TRAPPC9: variants seen among roughly 807,000 people sequenced by gnomAD.
TRAPPC9 encodes the protein IKK2 binding protein.
A neutral mutation model predicts 124.0 loss-of-function variants in TRAPPC9; 83 were observed. The ratio of observed to expected loss-of-function variants is 0.67; its 90% confidence interval spans 0.56 to 0.80. The LOEUF is 0.80. Ranked by LOEUF, TRAPPC9 falls within the 30% of genes least tolerant of loss-of-function variation. The pLI is 0.00. For synonymous variants in TRAPPC9, 638 were observed against 617.5 expected, an observed-to-expected ratio of 1.03 and a Z score of -0.49; for missense variants, 1,302 against 1,508.3, an observed-to-expected ratio of 0.86 and a Z score of 2.27.
At chr8:139,822,615 G>T (rs978772449) in intron 21 of TRAPPC9, among the ~76,000 whole-genome samples, 1 of 148,496 alleles carries the variant, frequency 6.7e-6, no homozygotes, top group Admixed American at 6.8e-5. Context: ...GCCAAGAGCC[G>T]TAGGATGGCG....
At chr8:140,426,451 A>AC (rs1032573654) in intron 5 of TRAPPC9, among the ~76,000 whole-genome samples, 164 bp downstream of exon 5, 44 of 152,336 alleles carry the variant, frequency 2.9e-4, no homozygotes, top group Admixed American at 2.5e-3. Context: ...TCAAGCAAGG[A>AC]CCCACCAATC....
At chr8:140,400,736 C>T (rs1177903595) in intron 6 of TRAPPC9, among the ~76,000 whole-genome samples, 1 of 152,094 alleles carries the variant, frequency 6.6e-6, no homozygotes, top group African/African-American at 2.4e-5. Flanking sequence ...CCCTCTTACA[C>T]ACCATGTGGC....
chr8:140,056,953 T>G (rs1842320283), intron 17 of TRAPPC9, among the ~76,000 whole-genome samples: 1 of 152,210 alleles, frequency 6.6e-6, no homozygotes, highest in Admixed American at 6.5e-5. Flanking sequence ...AAAGAACTCC[T>G]ACAACTAACT....
At chr8:140,079,072 A>G (rs1486731245) in intron 17 of TRAPPC9, among the ~76,000 whole-genome samples, 1 of 152,148 alleles carries the variant, frequency 6.6e-6, no homozygotes, top group East Asian at 1.9e-4. Context: ...ATGGTGAATA[A>G]GTCTCACGAG....
chr8:140,272,130 C>CCATGATGATGGTGATGGTGGCGATGGT (rs1450234909), intron 15 of TRAPPC9, among the ~76,000 whole-genome samples: 1 of 100,382 alleles, frequency 1.0e-5, no homozygotes, highest in Non-Finnish European at 2.2e-5. Flanking sequence ...GTGATGGTGG[C>CCATGATGATGGTGATGGTGGCGATGGT]GATGGTGATG....
At chr8:139,809,950 G>A (rs769628133) in intron 21 of TRAPPC9, among the ~76,000 whole-genome samples, 29 of 152,040 alleles carry the variant, frequency 1.9e-4, no homozygotes, top group Non-Finnish European at 3.7e-4. Context: ...GCTGAAAGCA[G>A]AGGTGCTAGA....
intron 21 of TRAPPC9, among the ~76,000 whole-genome samples, chr8:139,804,488 C>T (rs1823862744): frequency 7.1e-6 from 1 of 141,688 alleles, no homozygotes; most frequent in Non-Finnish European, 1.6e-5. Context: ...CAAACACCAC[C>T]ACCACACACA....
At chr8:139,817,782 G>GA (rs2130779632) in intron 21 of TRAPPC9, among the ~76,000 whole-genome samples, 1 of 152,346 alleles carries the variant, frequency 6.6e-6, no homozygotes, top group Non-Finnish European at 1.5e-5. Context: ...GATGGATGGT[G>GA]AAATAGAGGC....
At position 139,784,606 on chromosome 8, in the gene TRAPPC9, G is replaced by GATAT. The variant is rs1463265666; in HGVS notation, c.3056-52405_3056-52404insATAT. The stretch of plus-strand genomic sequence containing the variant: ...TAAATAAATAAATAAATAAAAGACT[G>GATAT]ACATATATATATATATATATATATA... On this transcript the variant is annotated intron_variant, in intron 21 of 22. Coordinates refer to ENST00000438773, the MANE Select transcript of TRAPPC9 (RefSeq NM_001160372.4). Among the ~76,000 whole-genome samples, 125 of 30,428 alleles carry GATAT rather than the reference G, an allele frequency of 4.1e-3. 1 individual carries two copies. Among genetic ancestry groups the GATAT allele is most frequent in the African/African-American group, 0.011 (116 of 10,264 alleles). 20.0% of individuals were successfully genotyped at this position (30,428 alleles called of 152,430 possible).
intron 6 of TRAPPC9, among the ~76,000 whole-genome samples, chr8:140,403,747 T>C (rs1286884263): frequency 6.6e-6 from 1 of 150,458 alleles, no homozygotes; most frequent in Non-Finnish European, 1.5e-5. Flanking sequence ...AACTTCCGCC[T>C]CCAGGGCTCA....
chr8:139,808,536 C>A (rs1042170203), intron 21 of TRAPPC9, among the ~76,000 whole-genome samples: 1 of 152,160 alleles, frequency 6.6e-6, no homozygotes, highest in Non-Finnish European at 1.5e-5. Flanking sequence ...CAGAATATTT[C>A]TATCTCCCTT....
At chr8:140,113,990 G>A (rs1260126463) in intron 17 of TRAPPC9, among the ~76,000 whole-genome samples, 2 of 152,136 alleles carry the variant, frequency 1.3e-5, no homozygotes, top group Middle Eastern at 3.2e-3. Flanking sequence ...GAGCTGCCTC[G>A]AAGTCTCTGA....
chr8:140,097,564 G>A lies in TRAPPC9; in HGVS notation c.2557-73485C>T, dbSNP rs1469985676. ...GCAAGAACGCCCGTCTGGGTCCGTAGTGTGCAGCCGCAGCTGTGCTGCTGT... is the reference window on the plus strand; with the variant it reads ...GCAAGAACGCCCGTCTGGGTCCGTAATGTGCAGCCGCAGCTGTGCTGCTGT... On this transcript the variant is annotated intron_variant, in intron 17 of 22. Transcript: ENST00000438773. This position sits in a 1 kb window ranked among gnomAD's most constrained non-coding sequence, Gnocchi z 4.2. 6.6e-6 allele frequency: 1 copy of A among 152,334 alleles called. No individual in the cohort carries two copies. Among genetic ancestry groups the A allele is most frequent in the Non-Finnish European group, 1.5e-5 (1 of 68,114 alleles). The allele number at this position is 152,334 out of a possible 1,614,324, so 9.4% of individuals were successfully genotyped here. A position where few individuals can be genotyped will look rare whatever the true frequency, so the allele number is the denominator to read the frequency against.
intron 21 of TRAPPC9, among the ~76,000 whole-genome samples, chr8:139,786,875 C>A (rs570874428): frequency 6.6e-6 from 1 of 151,996 alleles, no homozygotes; most frequent in Non-Finnish European, 1.5e-5. Flanking sequence ...GGTCAGTGAT[C>A]GGAGGGGAAG....
chr8:139,967,822 C>A (rs529310377), intron 19 of TRAPPC9, among the ~76,000 whole-genome samples: 1 of 152,274 alleles, frequency 6.6e-6, no homozygotes, highest in East Asian at 1.9e-4. Context: ...TTAAAAAGCA[C>A]GCTTTGTTTT....
intron 16 of TRAPPC9, among the ~76,000 whole-genome samples, chr8:140,248,749 TA>T (rs1418007286): frequency 1.3e-5 from 2 of 152,268 alleles, no homozygotes; most frequent in African/African-American, 4.8e-5. Context: ...GAAAAGAATA[TA>T]CTATTTTGTG....
chr8:140,251,348 C>T (rs540576177), intron 16 of TRAPPC9, among the ~76,000 whole-genome samples: 9 of 152,236 alleles, frequency 5.9e-5, no homozygotes, highest in South Asian at 4.1e-4. Flanking sequence ...TGCAGTTCAG[C>T]GGGATAAAGC....
rs1335692797 is a variant in TRAPPC9 at position 140,292,738 on chromosome 8, G to A, written c.1769-1660C>T. On this transcript the variant is annotated intron_variant, in intron 11 of 22. Transcript: ENST00000438773. ...TTCAAGATGGATTAAAGACTTAAAC[G>A]TTAGACCTAAAACCATAAAAACCCT... Among the ~76,000 whole-genome samples the A allele has an allele frequency of 5.3e-5, 8 of 149,906 alleles. No homozygotes were observed. The East Asian group carries it at 1.2e-3, about 22-fold the overall frequency.
intron 17 of TRAPPC9, among the ~76,000 whole-genome samples, chr8:140,067,787 G>A (rs187720459): frequency 1.4e-4 from 22 of 152,220 alleles, no homozygotes; most frequent in Non-Finnish European, 5.9e-5. Flanking sequence ...CAGAGCTCAT[G>A]CAGAGAAAAG....
Sources: allele counts gnomAD v4.1 joint callset (sites outside exome capture counted in the v4.1 genomes callset), GRCh38; gene constraint gnomAD v4.1.1; non-coding constraint Gnocchi (gnomAD v3.1); transcripts MANE v1.5; gene names NCBI Gene and HGNC (gene_info 2026-07-23, HGNC 2026-07-21).